The following NKAIN3 variants were observed in gnomAD, a reference collection of about 807,000 sequenced individuals.
NKAIN3 encodes sodium/potassium transporting ATPase interacting 3, also known as sodium/potassium-transporting ATPase subunit beta-1-interacting protein 3.
In NKAIN3, 25 loss-of-function variants were observed where a neutral mutation model predicts 30.2. The ratio of observed to expected loss-of-function variants is 0.83; its 90% CI spans 0.60 to 1.16. The LOEUF (loss-of-function observed/expected upper bound fraction) is 1.16, where lower values mean the gene tolerates loss of function less well. Ranked by LOEUF, NKAIN3 falls within the 50% of genes most tolerant of loss-of-function variation. NKAIN3 has a pLI of 0.00. For synonymous variants in NKAIN3, 91 were observed against 89.6 expected (o/e 1.02, Z -0.09); for missense variants, 225 against 254.1 (o/e 0.89, Z 0.78).
chr8:62,733,053 T>C (rs1487368010), intron 3 of NKAIN3, among the ~76,000 whole-genome samples: 3 of 152,134 alleles, frequency 2.0e-5, no homozygotes, highest in Admixed American at 1.3e-4. Context: ...TTTTCATTTA[T>C]TCTCTACTAC....
intron 4 of NKAIN3, among the ~76,000 whole-genome samples, chr8:62,830,827 G>A (rs527880548): frequency 2.6e-5 from 4 of 152,266 alleles, no homozygotes; most frequent in Admixed American, 6.5e-5. Context: ...CTAGACACAC[G>A]TCTCAGTGCT....
chr8:62,592,263 T>C (rs1456045356), intron 3 of NKAIN3, among the ~76,000 whole-genome samples: 1 of 152,058 alleles, frequency 6.6e-6, no homozygotes, highest in Non-Finnish European at 1.5e-5. Flanking sequence ...GTGAGCTGTC[T>C]CATGGGCAGG....
intron 1 of NKAIN3, among the ~76,000 whole-genome samples, chr8:62,565,043 A>G (rs1234688619): frequency 2.0e-5 from 3 of 152,148 alleles, no homozygotes; most frequent in Middle Eastern, 3.2e-3. Context: ...ATATTTGTTG[A>G]TTCAATGAAT....
chr8:62,900,892 A>T (rs4739021), intron 4 of NKAIN3, among the ~76,000 whole-genome samples: 117,655 of 152,062 alleles, frequency 0.77, 46,378 homozygotes, highest in East Asian at 0.98. Flanking sequence ...GAGTGTTGGA[A>T]CCCAGGAACA....
chr8:62,891,594 C>T (rs577061944), intron 4 of NKAIN3, among the ~76,000 whole-genome samples: 4 of 152,210 alleles, frequency 2.6e-5, no homozygotes, highest in African/African-American at 7.2e-5. Flanking sequence ...CAGCAAGTGT[C>T]GCTGCGTGGT....
At position 62,415,797 on chromosome 8, in the gene NKAIN3, G is replaced by A. The variant is rs371226012; in HGVS notation, c.55-163742G>A. Among the ~76,000 whole-genome samples the A allele has an allele frequency of 2.2e-4, 34 of 151,120 alleles. No homozygotes were observed. The East Asian group carries it at 2.3e-3, about 10-fold the overall frequency. ...TTTTGAGACAGAGTCTCGCTCTGTC[G>A]CCCAGGCTGGAGTGCAGTGGCGCGA... On this transcript the variant is annotated intron_variant, in intron 1 of 6. Transcript: ENST00000623646.
At chr8:62,965,331 G>A in intron 6 of NKAIN3, 23 bp from the exon 7 acceptor site, 9 of 985,798 alleles carry the variant, frequency 9.1e-6, no homozygotes, top group Non-Finnish European at 1.1e-5. Context: ...GTTCTTGAAA[G>A]CAATTCGTAT....
chr8:62,674,980 G>T (rs904568632), intron 3 of NKAIN3, among the ~76,000 whole-genome samples: 1 of 152,124 alleles, frequency 6.6e-6, no homozygotes, highest in Non-Finnish European at 1.5e-5. Context: ...ACACACAGGC[G>T]TCCACATGAA....
intron 4 of NKAIN3, among the ~76,000 whole-genome samples, chr8:62,794,333 A>T (rs1290456798): frequency 6.6e-6 from 1 of 152,112 alleles, no homozygotes; most frequent in Non-Finnish European, 1.5e-5. Context: ...CTCCTTTTTC[A>T]CTTCCTATGT....
chr8:62,619,695 T>C lies in NKAIN3; in HGVS notation c.273+29901T>C, dbSNP rs2130223257. 2.7e-5 allele frequency among the ~76,000 whole-genome samples: 3 copies of C among 110,750 alleles called. No homozygotes were observed. In the East Asian group the frequency reaches 1.0e-3, roughly 37 times the overall value. The allele number at this position is 110,750 out of a possible 152,430, so 72.7% of individuals were successfully genotyped here. On this transcript the variant is annotated intron_variant, in intron 3 of 6. Coordinates refer to ENST00000623646, the MANE Select transcript of NKAIN3 (RefSeq NM_001304533.3). ...AACTCAGAATAAATTTCTTCAAATA[T>C]TGTAAAAAAAAAAAAAAGGCTGGAA...
At chr8:62,610,243 G>T (rs1265083331) in intron 3 of NKAIN3, among the ~76,000 whole-genome samples, 1 of 152,026 alleles carries the variant, frequency 6.6e-6, no homozygotes, top group Admixed American at 6.6e-5. Context: ...TACTTGGGAG[G>T]CTGAGGCAGG....
chr8:62,766,792 C>T (rs1231439793), intron 4 of NKAIN3, among the ~76,000 whole-genome samples: 2 of 152,258 alleles, frequency 1.3e-5, no homozygotes, highest in Admixed American at 6.5e-5. Flanking sequence ...TACTTGTCCA[C>T]CAAATCCCAT....
intron 3 of NKAIN3, among the ~76,000 whole-genome samples, chr8:62,684,896 C>G (rs1271715105): frequency 6.6e-6 from 1 of 152,102 alleles, no homozygotes; most frequent in Non-Finnish European, 1.5e-5. Flanking sequence ...TCAGAAGAAA[C>G]TAGCCCTGTC....
At chr8:62,457,069 G>T (rs577000478) in intron 1 of NKAIN3, among the ~76,000 whole-genome samples, 67 of 152,300 alleles carry the variant, frequency 4.4e-4, no homozygotes, top group Non-Finnish European at 8.4e-4. Context: ...CATGTAGTAG[G>T]TGCTTAAGTA....
At chr8:62,812,095 A>C (rs990729490) in intron 4 of NKAIN3, among the ~76,000 whole-genome samples, 1 of 151,904 alleles carries the variant, frequency 6.6e-6, no homozygotes, top group African/African-American at 2.4e-5. Context: ...TGAAAGAACT[A>C]TTTTTCTACA....
chr8:62,874,392 T>C (rs1010259907), intron 4 of NKAIN3, among the ~76,000 whole-genome samples: 5 of 152,078 alleles, frequency 3.3e-5, no homozygotes, highest in Non-Finnish European at 5.9e-5. Flanking sequence ...AGCTGAATTC[T>C]ACCAGAAATA....
At chr8:62,409,808 T>C (rs1415652709) in intron 1 of NKAIN3, among the ~76,000 whole-genome samples, 1 of 152,086 alleles carries the variant, frequency 6.6e-6, no homozygotes, top group Non-Finnish European at 1.5e-5. Flanking sequence ...TAAGTAAAAA[T>C]TCAGAAGATT....
At chr8:62,543,904 A>G (rs1808923703) in intron 1 of NKAIN3, among the ~76,000 whole-genome samples, 1 of 152,222 alleles carries the variant, frequency 6.6e-6, no homozygotes, top group Non-Finnish European at 1.5e-5. Flanking sequence ...AGTAAAACTT[A>G]CAGAAAATTT....
intron 1 of NKAIN3, among the ~76,000 whole-genome samples, chr8:62,315,983 G>A (rs1454663943): frequency 2.0e-5 from 3 of 152,154 alleles, no homozygotes. Context: ...CATGGGGGCG[G>A]TTACCCCCTT....
Sources: gnomAD v4.1 joint callset for allele counts (sites outside exome capture counted in the v4.1 genomes callset) on GRCh38, gnomAD v4.1.1 for gene constraint, MANE v1.5 for transcripts, NCBI Gene and HGNC (gene_info 2026-07-23, HGNC 2026-07-21) for gene names.